Variants in F11R observed in about 807,000 individuals in gnomAD.
F11R encodes F11 receptor.
Under a neutral mutation model 39.3 loss-of-function variants are expected in F11R, and 27 were observed. That is an observed-to-expected ratio of 0.69 (90% CI 0.51 to 0.95). The LOEUF is 0.95. F11R is among the 40% of genes least tolerant of loss of function. The probability of loss-of-function intolerance (pLI) is 0.00; values close to 1 mark genes in which losing one functional copy is unlikely to be tolerated. For synonymous variants in F11R, 131 were observed against 144.9 expected (o/e 0.90, Z 0.69); for missense variants, 335 against 372.7 (o/e 0.90, Z 0.83).
intron 1 of F11R, among the ~76,000 whole-genome samples, chr1:161,001,723 G>T (rs1265166461): frequency 6.6e-6 from 1 of 152,170 alleles, no homozygotes; most frequent in Non-Finnish European, 1.5e-5. Flanking sequence ...CCACTTGTCA[G>T]GACAATCCTG....
At chr1:161,012,575 C>A (rs943128455) in intron 1 of F11R, among the ~76,000 whole-genome samples, 5 of 150,548 alleles carry the variant, frequency 3.3e-5, no homozygotes, top group African/African-American at 1.2e-4. Flanking sequence ...CCTTGAGTTG[C>A]TTTTGTGTCG....
chr1:161,015,215 T>C (rs1358537082), intron 1 of F11R, among the ~76,000 whole-genome samples: 2 of 150,240 alleles, frequency 1.3e-5, no homozygotes, highest in African/African-American at 4.9e-5. Context: ...GCTAACACGG[T>C]GAAACCCCGT....
chr1:161,021,086 C>CA lies in F11R; in HGVS notation c.-14_-13insT, dbSNP rs1315794417. On this transcript the variant is annotated 5_prime_UTR_variant, in exon 1 of 10. Transcript: ENST00000368026. ...CCTTTGTCCCCATCGCGATCAGGCT[C>CA]CCGACACAACAGCCGCCGAAGGACT... 1 of 1,610,278 alleles carries CA rather than the reference C, an allele frequency of 6.2e-7. No individual in the cohort carries two copies. The highest frequency in any genetic ancestry group is 8.5e-7 in the Non-Finnish European group (1 of 1,177,596).
chr1:161,000,372 T>C, intron 4 of F11R, 24 bp from the exon 5 acceptor site: 1 of 1,610,408 alleles, frequency 6.2e-7, no homozygotes, highest in Non-Finnish European at 8.5e-7. Context: ...AGACAGAAGG[T>C]GCTGAGTACA....
At chr1:161,001,404 C>T in intron 1 of F11R, 51 bp from the exon 2 acceptor site, 1 of 1,531,914 alleles carries the variant, frequency 6.5e-7, no homozygotes, top group Non-Finnish European at 9.0e-7. Context: ...AGAGAAATGC[C>T]AGGAAGAAGG....
Position 160,998,685 on chromosome 1 carries a change from A to G in F11R, c.*186T>C. The G allele has an allele frequency of 1.6e-6, 1 of 625,758 alleles. No individual in the cohort carries two copies. Among genetic ancestry groups the G allele is most frequent in the Non-Finnish European group, 2.9e-6 (1 of 348,406 alleles). The allele number at this position is 625,758 out of a possible 1,614,324, so 38.8% of individuals were successfully genotyped here. ...GCCACTCAGCAGTGGTAGGAAAGGGAGGGAGGGCATGAAGGAGGATGGGGC... is the reference window on the plus strand; with the variant it reads ...GCCACTCAGCAGTGGTAGGAAAGGGGGGGAGGGCATGAAGGAGGATGGGGC... On this transcript the variant is annotated 3_prime_UTR_variant, in exon 10 of 10. Transcript: ENST00000368026.
intron 1 of F11R, among the ~76,000 whole-genome samples, chr1:161,010,993 A>AAAT (rs1469979657): frequency 6.6e-6 from 1 of 151,222 alleles, no homozygotes; most frequent in Non-Finnish European, 1.5e-5. Flanking sequence ...AAAAAAAAAA[A>AAAT]AAATTCATGT....
In F11R at chr1:161,010,441, CAAA is replaced by C. The variant is rs1248451719; in HGVS notation, c.65-9091_65-9089del. ...CCTGGGTGACAGAGCGAGACTCCAT[CAAA>C]AAAAAAAAAAAAACAGTTGATCCAA... On this transcript the variant is annotated intron_variant, in intron 1 of 9. Coordinates refer to ENST00000368026, the MANE Select transcript of F11R (RefSeq NM_016946.6). 7.0e-4 allele frequency among the ~76,000 whole-genome samples: 56 copies of C among 80,260 alleles called. 2 individuals carry two copies. Among genetic ancestry groups the C allele is most frequent in the African/African-American group, 2.7e-3 (50 of 18,676 alleles). The allele number at this position is 80,260 out of a possible 152,430, so 52.7% of individuals were successfully genotyped here. A position where few individuals can be genotyped will look rare whatever the true frequency, so the allele number is the denominator to read the frequency against.
intron 1 of F11R, among the ~76,000 whole-genome samples, chr1:161,008,454 A>G (rs1307397603): frequency 1.3e-5 from 2 of 151,946 alleles, no homozygotes; most frequent in Non-Finnish European, 2.9e-5. Context: ...GTAAGCTGAG[A>G]TGGCACCACT....
intron 1 of F11R, among the ~76,000 whole-genome samples, chr1:161,001,607 T>C (rs1284815123): frequency 6.6e-6 from 1 of 152,184 alleles, no homozygotes; most frequent in Non-Finnish European, 1.5e-5. Flanking sequence ...TTCTAATTTT[T>C]CTCTCTGTGA....
intron 1 of F11R, among the ~76,000 whole-genome samples, chr1:161,015,397 C>CA (rs72369371): frequency 0.47 from 52,625 of 113,150 alleles, 11,537 homozygotes; most frequent in East Asian, 0.68. Flanking sequence ...GACTCCATCT[C>CA]AAAAAAAAAA....
At chr1:161,007,728 C>T (rs1648904952) in intron 1 of F11R, among the ~76,000 whole-genome samples, 1 of 152,192 alleles carries the variant, frequency 6.6e-6, no homozygotes, top group Admixed American at 6.6e-5. Context: ...CTTCTGTACA[C>T]ATACTTCTTT....
chr1:161,014,872 A>T (rs1047156228), intron 1 of F11R, among the ~76,000 whole-genome samples: 30 of 150,842 alleles, frequency 2.0e-4, no homozygotes, highest in Middle Eastern at 3.2e-3. Flanking sequence ...GATCAAGACC[A>T]TCCTGGCTAA....
chr1:161,012,539 T>C (rs1649218250), intron 1 of F11R, among the ~76,000 whole-genome samples: 2 of 152,000 alleles, frequency 1.3e-5, no homozygotes, highest in Non-Finnish European at 2.9e-5. Context: ...CTGATCTCTA[T>C]AAAAATAAAA....
chr1:161,001,894 G>A (rs1352079560), intron 1 of F11R, among the ~76,000 whole-genome samples: 1 of 152,186 alleles, frequency 6.6e-6, no homozygotes, highest in African/African-American at 2.4e-5. Context: ...ACACAAGCAT[G>A]ACAGATCGGC....
rs1327045061 is a variant in F11R at position 160,995,280 on chromosome 1, C to G, written c.*3591G>C. 1 of 152,234 alleles carries G rather than the reference C, an allele frequency of 6.6e-6. No individual in the cohort carries two copies. The highest frequency in any genetic ancestry group is 1.5e-5 in the Non-Finnish European group (1 of 68,024). 9.4% of individuals were successfully genotyped at this position (152,234 alleles called of 1,614,324 possible). A position where few individuals can be genotyped will look rare whatever the true frequency, so the allele number is the denominator to read the frequency against. Reference sequence around the variant, plus strand: ...TTTGTCTACTTTATTAAGCTGTCCTCAGGCCCCAAGAAACATACTGTCCCC... The same window carrying G: ...TTTGTCTACTTTATTAAGCTGTCCTGAGGCCCCAAGAAACATACTGTCCCC... On this transcript the variant is annotated 3_prime_UTR_variant, in exon 10 of 10. Transcript: ENST00000368026.
At chr1:161,017,229 T>C (rs550126188) in intron 1 of F11R, among the ~76,000 whole-genome samples, 1 of 152,272 alleles carries the variant, frequency 6.6e-6, no homozygotes, top group East Asian at 1.9e-4. Context: ...GGGAAAGACC[T>C]GACTGTCCCC....
At chr1:161,012,640 T>TTTA (rs1557894359) in intron 1 of F11R, among the ~76,000 whole-genome samples, 3 of 55,288 alleles carry the variant, frequency 5.4e-5, no homozygotes, top group Non-Finnish European at 7.4e-5. Flanking sequence ...TTATTTATTT[T>TTTA]GAGACAGAGT....
Position 160,996,117 on chromosome 1 carries a change from T to C in F11R, c.*2754A>G, listed in dbSNP as rs534137331. 6.6e-6 allele frequency: 1 copy of C among 152,334 alleles called. No homozygotes were observed. Among genetic ancestry groups the C allele is most frequent in the Non-Finnish European group, 1.5e-5 (1 of 68,028 alleles). The allele number at this position is 152,334 out of a possible 1,614,324, so 9.4% of individuals were successfully genotyped here. A position where few individuals can be genotyped will look rare whatever the true frequency, so the allele number is the denominator to read the frequency against. On this transcript the variant is annotated 3_prime_UTR_variant, in exon 10 of 10. Coordinates refer to ENST00000368026, the MANE Select transcript of F11R (RefSeq NM_016946.6). Reference sequence around the variant, plus strand: ...CCTAATCTCTTAATTAACAAGACTATCAGGAATATTTTGAATGTCCAATCA... The same window carrying C: ...CCTAATCTCTTAATTAACAAGACTACCAGGAATATTTTGAATGTCCAATCA...
Sources: allele counts gnomAD v4.1 joint callset (sites outside exome capture counted in the v4.1 genomes callset), GRCh38; gene constraint gnomAD v4.1.1; transcripts MANE v1.5; gene names NCBI Gene and HGNC (gene_info 2026-07-23, HGNC 2026-07-21).